The following FAM13A variants were observed in gnomAD, a reference collection of about 807,000 sequenced individuals.
FAM13A encodes family with sequence similarity 13 member A.
FAM13A carries 76 observed loss-of-function variants against 129.6 expected under a neutral mutation model. The observed-to-expected ratio is 0.59, with a 90% CI of 0.49 to 0.71. The LOEUF (loss-of-function observed/expected upper bound fraction) is 0.71, where lower values mean the gene tolerates loss of function less well. Ranked by LOEUF, FAM13A falls within the 30% of genes least tolerant of loss-of-function variation. FAM13A has a pLI of 0.00. For missense variants in FAM13A, 1,108 were observed against 1,249.3 expected, an observed-to-expected ratio of 0.89 and a Z score of 1.70; for synonymous variants, 443 against 449.9, an observed-to-expected ratio of 0.98 and a Z score of 0.20.
chr4:88,731,516 A>C (rs1405690554), intron 22 of FAM13A, 88 bp from the exon 23 acceptor site: 6 of 724,024 alleles, frequency 8.3e-6, no homozygotes, highest in Admixed American at 5.2e-5. Context: ...GGAGCTGTGC[A>C]GAAAGGGGAG....
intron 6 of FAM13A, among the ~76,000 whole-genome samples, chr4:88,867,418 G>A (rs539852618): frequency 4.4e-4 from 67 of 152,314 alleles, no homozygotes; most frequent in Middle Eastern, 3.4e-3. Context: ...TGACTAAATA[G>A]AACACGAAAA....
chr4:88,846,340 T>C (rs920368827), intron 7 of FAM13A, among the ~76,000 whole-genome samples: 3 of 152,234 alleles, frequency 2.0e-5, no homozygotes, highest in Admixed American at 6.5e-5. Flanking sequence ...ACCGATTACT[T>C]CAATAACTTT....
chr4:88,781,509 A>G (rs1722863938), intron 10 of FAM13A, among the ~76,000 whole-genome samples, 158 bp from the exon 11 acceptor site: 1 of 152,112 alleles, frequency 6.6e-6, no homozygotes, highest in South Asian at 2.1e-4. Context: ...CACTCCTGGG[A>G]CTGCTTGGTG....
chr4:88,934,728 C>A (rs1579356699), intron 5 of FAM13A, among the ~76,000 whole-genome samples: 1 of 152,108 alleles, frequency 6.6e-6, no homozygotes, highest in Non-Finnish European at 1.5e-5. Context: ...AAAAACAAAA[C>A]TAATGAAAGA....
intron 5 of FAM13A, among the ~76,000 whole-genome samples, chr4:88,923,765 C>A (rs973888046): frequency 1.2e-4 from 19 of 152,128 alleles, no homozygotes; most frequent in Non-Finnish European, 2.6e-4. Context: ...GTCAAAGTGT[C>A]CCTGTTTGCA....
intron 7 of FAM13A, among the ~76,000 whole-genome samples, chr4:88,845,826 A>G (rs1736545886): frequency 6.6e-6 from 1 of 152,330 alleles, no homozygotes; most frequent in African/African-American, 2.4e-5. Context: ...AAAAGGAATA[A>G]ATAGATAAGA....
At chr4:88,971,895 T>C (rs1760132460) in intron 4 of FAM13A, among the ~76,000 whole-genome samples, 1 of 152,180 alleles carries the variant, frequency 6.6e-6, no homozygotes. Flanking sequence ...AAAGAAAACT[T>C]TAATTTACAC....
At position 88,749,048 on chromosome 4, in the gene FAM13A, T is replaced by C; in HGVS notation, c.2080-15A>G. 6.3e-7 allele frequency: 1 copy of C among 1,592,858 alleles called. No homozygotes were observed. The highest frequency in any genetic ancestry group is 8.6e-7 in the Non-Finnish European group (1 of 1,161,332). On this transcript the variant is annotated splice_polypyrimidine_tract_variant and intron_variant, in intron 16 of 23. Coordinates refer to ENST00000264344, the MANE Select transcript of FAM13A (RefSeq NM_014883.4). Reference sequence around the variant, plus strand: ...CTGTGGGAAGGCTGAGAAAAGGAAGTCTAGAGTAAATGCTTTGGAACTGGA... The same window carrying C: ...CTGTGGGAAGGCTGAGAAAAGGAAGCCTAGAGTAAATGCTTTGGAACTGGA...
chr4:89,020,619 C>CCTT lies in FAM13A; in HGVS notation c.267_268insAAG (p.Val89_Glu90insLys). 6.2e-7 allele frequency: 1 copy of CCTT among 1,614,098 alleles called. No individual in the cohort carries two copies. The highest frequency in any genetic ancestry group is 8.5e-7 in the Non-Finnish European group (1 of 1,180,010). ...CTCTCGAACTTCAGTCGAAGTTGTT[C>CCTT]CACCACCTTCACGTTACCATTCACC... On this transcript the variant is annotated inframe_insertion, in exon 3 of 24. Transcript: ENST00000264344.
chr4:89,041,180 A>G (rs1214337656), intron 1 of FAM13A, among the ~76,000 whole-genome samples: 1 of 152,266 alleles, frequency 6.6e-6, no homozygotes, highest in Non-Finnish European at 1.5e-5. Context: ...ATAGCAGAGT[A>G]GGATGACTAC....
At chr4:89,053,288 T>C (rs1450672223) in intron 1 of FAM13A, among the ~76,000 whole-genome samples, 1 of 152,156 alleles carries the variant, frequency 6.6e-6, no homozygotes, top group Non-Finnish European at 1.5e-5. Context: ...ATAATTACCA[T>C]GATCAGGAAA....
At chr4:88,935,003 ATGGC>A (rs1561377513) in intron 5 of FAM13A, among the ~76,000 whole-genome samples, 1 of 152,252 alleles carries the variant, frequency 6.6e-6, no homozygotes, top group Admixed American at 6.5e-5. Flanking sequence ...CTCCCAAAGA[ATGGC>A]AGGGAAAGCA....
At chr4:88,933,995 A>G (rs978696927) in intron 5 of FAM13A, among the ~76,000 whole-genome samples, 2 of 152,058 alleles carry the variant, frequency 1.3e-5, no homozygotes. Context: ...TGGTAATCCA[A>G]CTGTACTGGC....
At chr4:88,973,347 A>AT (rs1410651022) in intron 4 of FAM13A, among the ~76,000 whole-genome samples, 2 of 151,722 alleles carry the variant, frequency 1.3e-5, no homozygotes, top group African/African-American at 4.8e-5. Context: ...GTTTTTCAGT[A>AT]TTTTTTCTCT....
chr4:88,945,903 ACACAGAC>A, intron 4 of FAM13A, among the ~76,000 whole-genome samples: 2 of 133,110 alleles, frequency 1.5e-5, no homozygotes, highest in Non-Finnish European at 3.2e-5. Context: ...GTGTGTATAT[ACACAGAC>A]TATATATATA....
intron 4 of FAM13A, among the ~76,000 whole-genome samples, chr4:88,967,428 G>A (rs1293472524): frequency 1.3e-5 from 2 of 152,166 alleles, no homozygotes; most frequent in African/African-American, 2.4e-5. Flanking sequence ...TATTTTATAT[G>A]TGATCATCTG....
chr4:88,834,484 A>G (rs892521105), intron 7 of FAM13A, among the ~76,000 whole-genome samples: 1 of 152,178 alleles, frequency 6.6e-6, no homozygotes, highest in South Asian at 2.1e-4. Context: ...TTAACTCACT[A>G]TTTAAATAAA....
chr4:89,045,538 C>T (rs1188190685), intron 1 of FAM13A, among the ~76,000 whole-genome samples: 2 of 152,162 alleles, frequency 1.3e-5, no homozygotes, highest in African/African-American at 4.8e-5. Context: ...AGGCACATCA[C>T]AACCCGGAAC....
chr4:88,843,320 C>A (rs563090261), intron 7 of FAM13A, among the ~76,000 whole-genome samples: 3 of 152,296 alleles, frequency 2.0e-5, no homozygotes, highest in East Asian at 1.9e-4. Flanking sequence ...ACTTTAGCTG[C>A]CCCCGCAGTC....
Sources: allele counts gnomAD v4.1 joint callset (sites outside exome capture counted in the v4.1 genomes callset), GRCh38; gene constraint gnomAD v4.1.1; transcripts MANE v1.5; gene names NCBI Gene and HGNC (gene_info 2026-07-23, HGNC 2026-07-21).